Variants in WASHC2A observed in about 807,000 individuals in gnomAD.
WASHC2A encodes the protein WASH complex subunit FAM21A.
Under a neutral mutation model 140.3 loss-of-function variants are expected in WASHC2A, and 82 were observed. That is an observed-to-expected ratio of 0.58 (90% CI 0.49 to 0.70). The LOEUF (loss-of-function observed/expected upper bound fraction) is 0.70, where lower values mean the gene tolerates loss of function less well. Among genes scored for constraint, WASHC2A ranks in the 30% least tolerant of loss-of-function variants. The pLI, the probability that WASHC2A is intolerant of heterozygous loss-of-function variation, is 0.00. For missense variants in WASHC2A, 985 were observed against 1,521.8 expected, an observed-to-expected ratio of 0.65 and a Z score of 5.87; for synonymous variants, 340 against 560.8, an observed-to-expected ratio of 0.61 and a Z score of 5.56.
At chr10:50,076,903 G>T (rs1838380534) in intron 3 of WASHC2A, among the ~76,000 whole-genome samples, 1 of 149,494 alleles carries the variant, frequency 6.7e-6, no homozygotes, top group Non-Finnish European at 1.5e-5. Flanking sequence ...GAATCACGAG[G>T]TCAGATTGAG....
In WASHC2A at chr10:50,085,354, A is replaced by C. The variant is rs1281670769; in HGVS notation, c.623-143A>C. 38 of 306,428 alleles carry C rather than the reference A, an allele frequency of 1.2e-4. 4 individuals carry two copies. The highest frequency in any genetic ancestry group is 1.7e-4 in the Non-Finnish European group (31 of 183,760). 19.0% of individuals were successfully genotyped at this position (306,428 alleles called of 1,614,324 possible). On this transcript the variant is annotated intron_variant, in intron 6 of 30. Transcript: ENST00000282633. ...CATAAATATGTAATTCCTCACCATA[A>C]TGACACTTTCAATTCCAGTAAGTGG...
intron 4 of WASHC2A, among the ~76,000 whole-genome samples, 168 bp downstream of exon 4, chr10:50,078,905 G>A (rs1315587043): frequency 2.6e-5 from 4 of 152,358 alleles, no homozygotes; most frequent in Admixed American, 6.5e-5. Context: ...GAAATGTAGT[G>A]TATTAACTAA....
In WASHC2A at chr10:50,090,207, G is replaced by C. The variant is rs1839755344; in HGVS notation, c.733-569G>C. Among the ~76,000 whole-genome samples, 3 of 150,560 alleles carry C rather than the reference G, an allele frequency of 2.0e-5. 1 individual carries two copies. The highest frequency in any genetic ancestry group is 4.2e-4 in the South Asian group (2 of 4,754). On this transcript the variant is annotated intron_variant, in intron 8 of 30. Transcript: ENST00000282633. ...ATTCTTGTTGTTACATTCTTATAAA[G>C]GATACATTTTTAGGCCGGGCTTGGT...
chr10:50,117,598 C>CAG (rs1427425060), intron 21 of WASHC2A, among the ~76,000 whole-genome samples: 5 of 148,798 alleles, frequency 3.4e-5, no homozygotes, highest in African/African-American at 4.9e-5. Context: ...AGGAGTGAGG[C>CAG]AGAGAGAGAG....
chr10:50,067,957 C>A lies in WASHC2A; in HGVS notation c.-49C>A, dbSNP rs782706720. ...GGCTAGGCTTCCGGGGCTCTGCAGT[C>A]CTCGGCGTGTGCTGGCAGCTTCGGA... On this transcript the variant is annotated 5_prime_UTR_variant, in exon 1 of 31. Transcript: ENST00000282633. 1.3e-6 allele frequency: 2 copies of A among 1,592,078 alleles called. No individual in the cohort carries two copies. Among genetic ancestry groups the A allele is most frequent in the Non-Finnish European group, 8.5e-7 (1 of 1,171,264 alleles).
In WASHC2A at chr10:50,097,285, A is replaced by T. The variant is rs74881065; in HGVS notation, c.1421-390A>T. Among the ~76,000 whole-genome samples the T allele has an allele frequency of 1.1e-4, 16 of 150,910 alleles. No homozygotes were observed. The East Asian group carries it at 2.7e-3, about 26-fold the overall frequency. On this transcript the variant is annotated intron_variant, in intron 15 of 30. Transcript: ENST00000282633. Reference sequence around the variant, plus strand: ...CTTTTATCTGCTTTTGTACAGTTTGATTTTTTTTAAAACAGGAGCCAAGCC... The same window carrying T: ...CTTTTATCTGCTTTTGTACAGTTTGTTTTTTTTTAAAACAGGAGCCAAGCC...
Position 50,095,733 on chromosome 10 carries a change from G to C in WASHC2A, c.1375G>C (p.Asp459His). ...CTTTGATGATGATGATGGTGATGAT[G>C]ATGACGACTTTTTCTCGGCACCCCA... Reference protein sequence around the residue: ...GLFDDDDGDDDDDFFSAPHSK... With the variant: ...GLFDDDDGDDHDDFFSAPHSK... The change falls in exon 15 of 31, where the codon GAT becomes CAT. Residue 459 changes from aspartate to histidine, a missense_variant. Transcript: ENST00000282633. 1.2e-6 allele frequency: 2 copies of C among 1,611,492 alleles called. No individual in the cohort carries two copies. Among genetic ancestry groups the C allele is most frequent in the Admixed American group, 1.7e-5 (1 of 59,952 alleles).
At chr10:50,101,285 T>C (rs1841134805) in intron 17 of WASHC2A, among the ~76,000 whole-genome samples, 1 of 152,312 alleles carries the variant, frequency 6.6e-6, no homozygotes, top group African/African-American at 2.4e-5. Context: ...TCAGGGTCTT[T>C]GCACCGGCCC....
At chr10:50,129,058 A>G (rs1290229884) in intron 28 of WASHC2A, among the ~76,000 whole-genome samples, 1 of 152,104 alleles carries the variant, frequency 6.6e-6, no homozygotes, top group African/African-American at 2.4e-5. Flanking sequence ...CCACGTTTCT[A>G]TTGAGGGTAG....
intron 21 of WASHC2A, among the ~76,000 whole-genome samples, chr10:50,116,318 A>T (rs797023415): frequency 0.015 from 798 of 52,910 alleles, 183 homozygotes; most frequent in African/African-American, 0.041. Flanking sequence ...AATTATTATT[A>T]TTTTTTTTTT....
At chr10:50,108,889 G>GAAAAAAAAAAAA in intron 19 of WASHC2A, among the ~76,000 whole-genome samples, 1 of 75,644 alleles carries the variant, frequency 1.3e-5, no homozygotes, top group Non-Finnish European at 2.4e-5. Context: ...CTCGAAAAAG[G>GAAAAAAAAAAAA]AAAAAAAAAA....
chr10:50,071,463 G>A (rs576606436), intron 3 of WASHC2A, among the ~76,000 whole-genome samples: 44 of 152,012 alleles, frequency 2.9e-4, no homozygotes, highest in African/African-American at 9.9e-4. Context: ...GTGCCACCAC[G>A]CCTGGCTAAT....
At chr10:50,073,370 A>G (rs1838030314) in intron 3 of WASHC2A, among the ~76,000 whole-genome samples, 1 of 152,140 alleles carries the variant, frequency 6.6e-6, no homozygotes, top group Non-Finnish European at 1.5e-5. Flanking sequence ...CTTGGCAATG[A>G]CCTTGAGCAG....
intron 10 of WASHC2A, 144 bp from the exon 11 acceptor site, chr10:50,092,018 G>T: frequency 6.3e-7 from 1 of 1,590,114 alleles, no homozygotes. Flanking sequence ...GGGCCAGGGG[G>T]TTCAGTGCTC....
intron 8 of WASHC2A, among the ~76,000 whole-genome samples, chr10:50,087,556 A>G (rs879952370): frequency 6.6e-6 from 1 of 152,132 alleles, no homozygotes; most frequent in African/African-American, 2.4e-5. Flanking sequence ...GAAGTGAAAA[A>G]CACAATTGGA....
At chr10:50,094,017 T>C (rs1465688578) in intron 13 of WASHC2A, 100 bp downstream of exon 13, 12 of 1,595,584 alleles carry the variant, frequency 7.5e-6, no homozygotes, top group Non-Finnish European at 1.0e-5. Context: ...CTTGTTTCTG[T>C]GTTAAGCAGG....
At chr10:50,130,817 T>G in intron 29 of WASHC2A, 84 bp from the exon 30 acceptor site, 1 of 1,593,814 alleles carries the variant, frequency 6.3e-7, no homozygotes, top group Non-Finnish European at 8.5e-7. Flanking sequence ...TGGCCAATTG[T>G]ATTTCCATAG....
In WASHC2A at chr10:50,078,839, A is replaced by G. The variant is rs1291574132; in HGVS notation, c.354+102A>G. 7.0e-5 allele frequency: 113 copies of G among 1,610,160 alleles called. No homozygotes were observed. In the African/African-American group the frequency reaches 1.4e-3, roughly 21 times the overall value. On this transcript the variant is annotated intron_variant, in intron 4 of 30. Transcript: ENST00000282633. ...CTGGGGGATGGTGGGCGGGGTTGGG[A>G]AAGGGAGGGACTGCTCCTGACAGCA... is the stretch of plus-strand genomic sequence containing the variant.
chr10:50,071,556 C>T (rs1194172891), intron 3 of WASHC2A, among the ~76,000 whole-genome samples: 7 of 151,892 alleles, frequency 4.6e-5, no homozygotes, highest in South Asian at 2.1e-4. Context: ...CCGCCCACCT[C>T]GGCCTCCCAA....
Sources: gnomAD v4.1 joint callset for allele counts (sites outside exome capture counted in the v4.1 genomes callset) on GRCh38, gnomAD v4.1.1 for gene constraint, MANE v1.5 for transcripts, NCBI Gene and HGNC (gene_info 2026-07-23, HGNC 2026-07-21) for gene names.